Variants in MZT2A observed in about 807,000 individuals in gnomAD.
MZT2A encodes mitotic spindle organizing protein 2A, also known as mitotic-spindle organizing protein 2A.
A neutral mutation model predicts 12.4 loss-of-function variants in MZT2A; 8 were observed. That is an observed-to-expected ratio of 0.64 (90% confidence interval 0.38 to 1.16). MZT2A has a LOEUF of 1.16. MZT2A is among the 50% of genes most tolerant of loss of function. The pLI is 0.01. For missense variants in MZT2A, 181 were observed against 223.6 expected (o/e 0.81, Z 1.22); for synonymous variants, 88 against 107.5 (o/e 0.82, Z 1.12).
chr2:131,490,303 G>T lies in MZT2A; in HGVS notation c.319+1573C>A, dbSNP rs1198036653. 4 of 1,025,128 alleles carry T rather than the reference G, an allele frequency of 3.9e-6. No individual in the cohort carries two copies. In the African/African-American group the frequency reaches 6.8e-5, roughly 17 times the overall value. 63.5% of individuals were successfully genotyped at this position (1,025,128 alleles called of 1,614,324 possible). ...CTGCCTGGCAGACTCTGGGAAGGTG[G>T]GAGTCTCTGTTTCAGCCTCCAGACT... On this transcript the variant is annotated intron_variant, in intron 2 of 2. Coordinates refer to ENST00000309451, the MANE Select transcript of MZT2A (RefSeq NM_001085365.2).
intron 2 of MZT2A, chr2:131,478,266 A>G: frequency 6.2e-7 from 1 of 1,614,056 alleles, no homozygotes; most frequent in Non-Finnish European, 8.5e-7. Context: ...CGATGGCCAA[A>G]TGCCAAGTGA....
chr2:131,477,331 A>G (rs1344369991), intron 2 of MZT2A, among the ~76,000 whole-genome samples: 1 of 152,192 alleles, frequency 6.6e-6, no homozygotes, highest in Admixed American at 6.5e-5. Context: ...CACCACACCC[A>G]GCTTGGCAGG....
chr2:131,491,949 C>T lies in MZT2A; in HGVS notation c.246G>A (p.Gly82=). Residue 82 remains glycine (G), a synonymous_variant, in exon 2 of 3, where the codon GGG becomes GGA. Transcript: ENST00000309451. ...VFQMLKSMCA[G]QRLASEPQDP... ...CCTGGGGCTCGCTCGCTAGCCTCTG[C>T]CCGGCACACATGGACTTGAGCATCT... is the stretch of plus-strand genomic sequence containing the variant. 1.9e-6 allele frequency: 3 copies of T among 1,543,132 alleles called. No homozygotes were observed. The highest frequency in any genetic ancestry group is 1.4e-5 in the African/African-American group (1 of 72,762).
intron 2 of MZT2A, among the ~76,000 whole-genome samples, chr2:131,476,768 T>C (rs191584232): frequency 3.6e-4 from 54 of 151,850 alleles, no homozygotes; most frequent in African/African-American, 1.3e-3. Context: ...ACCCAGTCTC[T>C]ACAAAAAAAT....
At position 131,492,251 on chromosome 2, in the gene MZT2A, CT is replaced by C; in HGVS notation, c.125del (p.Glu42GlyfsTer22). ...VLSTEEMELYELAQAAGGGID... is the reference protein window; with the variant it reads ...VLSTEEMELYXLAQAAGGGID... ...TACCGCCGCCCGCCGCCTGAGCCAG[CT>C]CGTACAGCTCCATCTCCTCGGTGCT... is the stretch of plus-strand genomic sequence containing the variant. On this transcript the variant is annotated frameshift_variant, in exon 1 of 3. Transcript: ENST00000309451. LOFTEE classifies it high-confidence loss of function. 1.9e-6 allele frequency: 3 copies of C among 1,585,692 alleles called. No homozygotes were observed. Among genetic ancestry groups the C allele is most frequent in the Non-Finnish European group, 2.6e-6 (3 of 1,172,712 alleles).
At chr2:131,492,796 G>GGGGGGGGGGGC, upstream of MZT2A, 2 of 853,204 alleles carry the variant, frequency 2.3e-6, no homozygotes, top group Non-Finnish European at 1.7e-6. Flanking sequence ...GGGGTGGGGG[G>GGGGGGGGGGGC]CACTAATCAA....
chr2:131,487,477 AAAATAAAT>A (rs994371038), intron 2 of MZT2A, among the ~76,000 whole-genome samples: 1 of 152,222 alleles, frequency 6.6e-6, no homozygotes, highest in South Asian at 2.1e-4. Context: ...GACTGTCTCA[AAAATAAAT>A]AAATAAATAA....
chr2:131,479,573 C>T, downstream of MZT2A: 1 of 1,543,578 alleles, frequency 6.5e-7, no homozygotes, highest in Non-Finnish European at 8.8e-7. Flanking sequence ...GGCGCGGTGG[C>T]TCACACATGT....
At chr2:131,482,378 C>T (rs1678891324), downstream of MZT2A, among the ~76,000 whole-genome samples, 4 of 152,182 alleles carry the variant, frequency 2.6e-5, no homozygotes, top group Admixed American at 2.6e-4. Context: ...TTTCTCTATT[C>T]CTCATCTGGA....
downstream of MZT2A, among the ~76,000 whole-genome samples, chr2:131,481,382 C>T (rs1678860390): frequency 6.6e-6 from 1 of 152,004 alleles, no homozygotes. Context: ...GATTCTCTCA[C>T]CTCAGCCTCC....
intron 2 of MZT2A, among the ~76,000 whole-genome samples, chr2:131,485,060 C>T (rs945203963): frequency 2.6e-5 from 4 of 152,314 alleles, no homozygotes; most frequent in African/African-American, 7.2e-5. Context: ...AAGGTACAAA[C>T]GTGCCCGGGT....
downstream of MZT2A, chr2:131,482,667 T>G (rs752616713): frequency 6.2e-7 from 1 of 1,614,212 alleles, no homozygotes; most frequent in East Asian, 2.2e-5. Flanking sequence ...TGGGCCCGCC[T>G]GGACCATAAG....
At chr2:131,472,918 C>A (rs1344725927) in intron 2 of MZT2A, among the ~76,000 whole-genome samples, 8 of 151,422 alleles carry the variant, frequency 5.3e-5, no homozygotes, top group East Asian at 3.9e-4. Context: ...GGTGTCCCCC[C>A]CCACCAATAT....
At chr2:131,471,365 T>C (rs1704981165) in intron 3 of MZT2A, among the ~76,000 whole-genome samples, 1 of 138,360 alleles carries the variant, frequency 7.2e-6, no homozygotes, top group South Asian at 2.1e-4. Flanking sequence ...TATAAATGAA[T>C]GTATTTTAGA....
At chr2:131,469,808 C>CCACCTTT (rs1390873773) in intron 4 of MZT2A, 1 of 131,494 alleles carries the variant, frequency 7.6e-6, no homozygotes, top group African/African-American at 3.9e-5. Context: ...TCCTCCCCCC[C>CCACCTTT]TTTTTTTTTT....
At chr2:131,474,920 C>T (rs1678601713) in intron 2 of MZT2A, among the ~76,000 whole-genome samples, 1 of 152,054 alleles carries the variant, frequency 6.6e-6, no homozygotes, top group African/African-American at 2.4e-5. Context: ...ATTAAGACAA[C>T]TTGCATCTCC....
intron 2 of MZT2A, among the ~76,000 whole-genome samples, chr2:131,485,784 A>C (rs1228355174): frequency 1.3e-5 from 2 of 151,994 alleles, no homozygotes; most frequent in African/African-American, 4.8e-5. Flanking sequence ...CCTGGAGAAA[A>C]GATGCAACCG....
intron 2 of MZT2A, chr2:131,490,595 G>T: frequency 6.5e-7 from 1 of 1,542,996 alleles, no homozygotes; most frequent in South Asian, 1.2e-5. Flanking sequence ...GCAGGGCAGC[G>T]GTGGCCTGCA....
At chr2:131,477,154 C>T (rs1180462292) in intron 2 of MZT2A, among the ~76,000 whole-genome samples, 1 of 151,832 alleles carries the variant, frequency 6.6e-6, no homozygotes, top group African/African-American at 2.4e-5. Flanking sequence ...CCTCCCACCT[C>T]AGCCTTCCGA....
Sources: allele counts gnomAD v4.1 joint callset (sites outside exome capture counted in the v4.1 genomes callset), GRCh38; gene constraint gnomAD v4.1.1; transcripts MANE v1.5; gene names NCBI Gene and HGNC (gene_info 2026-07-23, HGNC 2026-07-21).